Variants in PCDH15 observed in about 807,000 individuals in gnomAD.
PCDH15 encodes protocadherin-15.
A neutral mutation model predicts 178.5 loss-of-function variants in PCDH15; 129 were observed. That is an observed-to-expected ratio of 0.72 (90% CI 0.63 to 0.84). The LOEUF (loss-of-function observed/expected upper bound fraction) is 0.84. Among genes scored for constraint, PCDH15 ranks in the 40% least tolerant of loss-of-function variants. The pLI is 0.00. For synonymous variants in PCDH15, 800 were observed against 732.0 expected (o/e 1.09, Z -1.50); for missense variants, 2,230 against 2,099.9 (o/e 1.06, Z -1.21).
intron 2 of PCDH15, among the ~76,000 whole-genome samples, chr10:55,332,551 T>C (rs971383876): frequency 2.6e-5 from 4 of 152,242 alleles, no homozygotes; most frequent in South Asian, 2.1e-4. Flanking sequence ...AACTAATCAA[T>C]ATCAGTAAAG....
At position 53,889,026 on chromosome 10, in the gene PCDH15, T is replaced by TA. The variant is rs768006465; in HGVS notation, c.3501+14216dup. ...GTCAATTAAATATCCACATGGGAAA[T>TA]AAAAAAAAAAAAATCTTGACCTCCT... On this transcript the variant is annotated intron_variant, in intron 26 of 37. Transcript: ENST00000644397. Among the ~76,000 whole-genome samples, 921 of 134,120 alleles carry TA rather than the reference T, an allele frequency of 6.9e-3. 10 individuals carry two copies. Among genetic ancestry groups the TA allele is most frequent in the African/African-American group, 0.02 (747 of 36,808 alleles). 88.0% of individuals were successfully genotyped at this position (134,120 alleles called of 152,430 possible).
intron 3 of PCDH15, among the ~76,000 whole-genome samples, chr10:54,516,254 T>G (rs1014559411): frequency 6.6e-6 from 1 of 152,018 alleles, no homozygotes; most frequent in Non-Finnish European, 1.5e-5. Context: ...GATGATCAAC[T>G]ACGCTGAGCT....
chr10:54,059,134 A>G (rs1225143086), intron 18 of PCDH15, among the ~76,000 whole-genome samples: 3 of 152,200 alleles, frequency 2.0e-5, no homozygotes, highest in Non-Finnish European at 4.4e-5. Flanking sequence ...GCTCCAGCCT[A>G]TGAGTGAGGA....
At chr10:55,170,748 G>A (rs753829630) in intron 1 of PCDH15, among the ~76,000 whole-genome samples, 7 of 152,038 alleles carry the variant, frequency 4.6e-5, no homozygotes, top group Non-Finnish European at 5.9e-5. Context: ...TGGGCGTGGT[G>A]GCATGCGCCT....
chr10:55,253,202 C>T (rs1841888898), intron 1 of PCDH15, among the ~76,000 whole-genome samples: 1 of 150,044 alleles, frequency 6.7e-6, no homozygotes, highest in African/African-American at 2.5e-5. Context: ...GAGTATAGGG[C>T]ATGGAGAAAT....
At chr10:55,281,028 A>C (rs1442717279) in intron 1 of PCDH15, among the ~76,000 whole-genome samples, 3 of 152,212 alleles carry the variant, frequency 2.0e-5, no homozygotes, top group Non-Finnish European at 4.4e-5. Flanking sequence ...GAGAAAAAAG[A>C]CTCTAATACT....
intron 3 of PCDH15, among the ~76,000 whole-genome samples, chr10:54,515,064 T>A (rs1209843489): frequency 6.6e-6 from 1 of 152,300 alleles, no homozygotes; most frequent in African/African-American, 2.4e-5. Context: ...AGAAGACAGG[T>A]GATTTCTGCA....
chr10:55,385,369 G>T (rs1006593973), intron 2 of PCDH15, among the ~76,000 whole-genome samples: 2 of 151,994 alleles, frequency 1.3e-5, no homozygotes, highest in Non-Finnish European at 2.9e-5. Flanking sequence ...AGCCATTTCA[G>T]TCTAAGTGAA....
chr10:53,862,930 A>G lies in PCDH15; in HGVS notation c.3717+3712T>C, dbSNP rs115995629. On this transcript the variant is annotated intron_variant, in intron 27 of 37. Transcript: ENST00000644397. The stretch of plus-strand genomic sequence containing the variant: ...TATACAGTATTTACTAAGGGAATGA[A>G]TGTGAGGTTTAGGAGAGAAAGGAGT... 4.7e-3 allele frequency among the ~76,000 whole-genome samples: 710 copies of G among 152,312 alleles called. 10 individuals carry two copies. The highest frequency in any genetic ancestry group is 0.016 in the African/African-American group (654 of 41,576).
At chr10:54,665,180 TG>T (rs2094550958) in intron 1 of PCDH15, among the ~76,000 whole-genome samples, 2 of 151,692 alleles carry the variant, frequency 1.3e-5, no homozygotes, top group South Asian at 4.2e-4. Context: ...GGGACAATAG[TG>T]ATGGTAGAGG....
intron 2 of PCDH15, among the ~76,000 whole-genome samples, chr10:55,481,078 T>C (rs954804565): frequency 3.3e-5 from 5 of 151,858 alleles, no homozygotes; most frequent in African/African-American, 1.2e-4. Flanking sequence ...TGTGTATGTG[T>C]ACAGAAATTT....
At chr10:55,150,503 T>A (rs1838679379) in intron 2 of PCDH15, among the ~76,000 whole-genome samples, 1 of 152,146 alleles carries the variant, frequency 6.6e-6, no homozygotes, top group African/African-American at 2.4e-5. Flanking sequence ...ACAGTCTATT[T>A]ATACAAAAAT....
chr10:54,394,175 A>AT (rs368599392), intron 3 of PCDH15, among the ~76,000 whole-genome samples: 3 of 152,136 alleles, frequency 2.0e-5, no homozygotes, highest in East Asian at 1.9e-4. Flanking sequence ...TGAGATAGAT[A>AT]TTTTTTGCCA....
At chr10:54,669,969 G>A (rs759235660) in intron 1 of PCDH15, among the ~76,000 whole-genome samples, 11 of 151,864 alleles carry the variant, frequency 7.2e-5, no homozygotes, top group Non-Finnish European at 1.3e-4. Context: ...TAGAAGAATC[G>A]CTTGAACCCA....
At position 55,539,112 on chromosome 10, in the gene PCDH15, T is replaced by C. The variant is rs1841699205; in HGVS notation, c.-156+88513A>G. ...CCTTCCTTGCTTCCTTCCTTCCTTC[T>C]TCTAATGTGTGTACTATTATTTCCC... On this transcript the variant is annotated intron_variant, in intron 2 of 5. Coordinates refer to the PCDH15 transcript ENST00000613346. 2.0e-5 allele frequency among the ~76,000 whole-genome samples: 3 copies of C among 150,648 alleles called. No homozygotes were observed. The Admixed American group carries it at 2.0e-4, about 10-fold the overall frequency.
chr10:54,812,374 G>A (rs1238235971), intron 3 of PCDH15, among the ~76,000 whole-genome samples: 3 of 151,242 alleles, frequency 2.0e-5, no homozygotes, highest in African/African-American at 7.3e-5. Flanking sequence ...GGGTTCAAGC[G>A]ATTCTCCTGC....
At chr10:55,503,784 A>G (rs116871711) in intron 2 of PCDH15, among the ~76,000 whole-genome samples, 1 of 151,496 alleles carries the variant, frequency 6.6e-6, no homozygotes, top group Non-Finnish European at 1.5e-5. Context: ...AATCTTGTCA[A>G]GGAGTAAAAG....
intron 2 of PCDH15, among the ~76,000 whole-genome samples, chr10:55,334,314 ATT>A: frequency 8.4e-6 from 1 of 119,596 alleles, no homozygotes; most frequent in Non-Finnish European, 1.6e-5. Context: ...ATATATATAT[ATT>A]TTTTTTTTGA....
intron 2 of PCDH15, among the ~76,000 whole-genome samples, chr10:55,350,228 C>CATATATATATATAT (rs869240598): frequency 1.5e-3 from 112 of 73,342 alleles, no homozygotes; most frequent in Non-Finnish European, 2.2e-3. Flanking sequence ...TATATAAACT[C>CATATATATATATAT]ATATATATAT....
Sources: allele counts gnomAD v4.1 joint callset (sites outside exome capture counted in the v4.1 genomes callset), GRCh38; gene constraint gnomAD v4.1.1; transcripts MANE v1.5; gene names NCBI Gene and HGNC (gene_info 2026-07-23, HGNC 2026-07-21).